Variants in TAF8 observed in about 807,000 individuals in gnomAD.
TAF8 encodes transcription initiation factor TFIID subunit 8.
Under a neutral mutation model 36.5 loss-of-function variants are expected in TAF8, and 47 were observed. The observed-to-expected ratio is 1.29, with a 90% CI of 1.02 to 1.64. The LOEUF is 1.64. TAF8 is among the 40% of genes most tolerant of loss of function. TAF8 has a pLI of 0.00. For missense variants in TAF8, 420 were observed against 407.6 expected (o/e 1.03, Z -0.26); for synonymous variants, 175 against 159.5 (o/e 1.10, Z -0.73).
At chr6:42,069,001 A>T (rs1225373430) in intron 7 of TAF8, among the ~76,000 whole-genome samples, 2 of 152,104 alleles carry the variant, frequency 1.3e-5, no homozygotes, top group Non-Finnish European at 2.9e-5. Context: ...GAAGGGAACA[A>T]GGCATGGACA....
At chr6:42,051,938 C>G (rs561941819) in intron 2 of TAF8, among the ~76,000 whole-genome samples, 1 of 152,194 alleles carries the variant, frequency 6.6e-6, no homozygotes, top group Non-Finnish European at 1.5e-5. Context: ...TGCACTCCAG[C>G]CTGTGAGGCT....
intron 7 of TAF8, among the ~76,000 whole-genome samples, chr6:42,072,919 T>G (rs1765630181): frequency 6.6e-6 from 1 of 152,016 alleles, no homozygotes; most frequent in East Asian, 1.9e-4. Flanking sequence ...GAGGCGGGGT[T>G]TCACCGTGTT....
intron 8 of TAF8, 31 bp downstream of exon 8, chr6:42,077,270 T>C: frequency 6.2e-7 from 1 of 1,602,914 alleles, no homozygotes; most frequent in South Asian, 1.1e-5. Flanking sequence ...CAGAGAGCCT[T>C]CACTGTCCCA....
downstream of TAF8, among the ~76,000 whole-genome samples, chr6:42,084,352 A>G (rs1765995605): frequency 6.6e-6 from 1 of 152,192 alleles, no homozygotes; most frequent in African/African-American, 2.4e-5. Flanking sequence ...TAAGCACTTC[A>G]CATAAATTAA....
At chr6:42,067,502 A>C (rs1263916025) in intron 6 of TAF8, among the ~76,000 whole-genome samples, 2 of 152,238 alleles carry the variant, frequency 1.3e-5, no homozygotes, top group African/African-American at 4.8e-5. Context: ...GGCATGAGCC[A>C]CCACACCCAG....
Position 42,066,392 on chromosome 6 carries a change from T to TA in TAF8, c.571dup (p.Thr191AsnfsTer17), listed in dbSNP as rs777746264. The TA allele has an allele frequency of 2.5e-6, 4 of 1,614,220 alleles. No homozygotes were observed. The highest frequency in any genetic ancestry group is 3.4e-6 in the Non-Finnish European group (4 of 1,180,038). Reference sequence around the variant, plus strand: ...AGAGGCGCGATGTGGAGCGGGCACTTACCCGTTTCATGGCCAAGACAGGCG... The same window carrying TA: ...AGAGGCGCGATGTGGAGCGGGCACTTAACCCGTTTCATGGCCAAGACAGGCG... On this transcript the variant is annotated frameshift_variant, in exon 6 of 9. Transcript: ENST00000372977. LOFTEE classifies it high-confidence loss of function.
Position 42,078,428 on chromosome 6 carries a change from A to G in TAF8, c.*883A>G. ...TGTGGCACCACTTTCTCATCCCAGA[A>G]CTTCATTCTTATTTCTCTCCTCATC... On this transcript the variant is annotated 3_prime_UTR_variant, in exon 9 of 9. Coordinates refer to ENST00000372977, the MANE Select transcript of TAF8 (RefSeq NM_138572.3). 1 of 985,362 alleles carries G rather than the reference A, an allele frequency of 1.0e-6. No individual in the cohort carries two copies. Among genetic ancestry groups the G allele is most frequent in the Non-Finnish European group, 1.2e-6 (1 of 829,930 alleles). The allele number at this position is 985,362 out of a possible 1,614,324, so 61.0% of individuals were successfully genotyped here.
downstream of TAF8, chr6:42,086,729 T>C (rs1766035112): frequency 6.4e-7 from 1 of 1,551,208 alleles, no homozygotes; most frequent in African/African-American, 1.4e-5. Context: ...GCCAGATACA[T>C]TCTAGAGAAT....
chr6:42,064,284 G>A (rs1363664221), intron 5 of TAF8, among the ~76,000 whole-genome samples: 4 of 151,844 alleles, frequency 2.6e-5, no homozygotes, highest in African/African-American at 4.8e-5. Flanking sequence ...ACAGAGTCTC[G>A]CTCAGTCCCC....
chr6:42,079,078 T>C lies in TAF8; in HGVS notation c.*1533T>C. On this transcript the variant is annotated 3_prime_UTR_variant, in exon 9 of 9. Coordinates refer to ENST00000372977, the MANE Select transcript of TAF8 (RefSeq NM_138572.3). ...CGGAGGTTGCAGTGAGCCGAGATCG[T>C]GCCACTGCACTCCAGCCTGGGTGAC... is the stretch of plus-strand genomic sequence containing the variant. 1 of 806,064 alleles carries C rather than the reference T, an allele frequency of 1.2e-6. No individual in the cohort carries two copies. Among genetic ancestry groups the C allele is most frequent in the Non-Finnish European group, 1.5e-6 (1 of 666,440 alleles). The allele number at this position is 806,064 out of a possible 1,614,324, so 49.9% of individuals were successfully genotyped here.
chr6:42,084,821 G>C (rs905115638), downstream of TAF8, among the ~76,000 whole-genome samples: 3 of 152,216 alleles, frequency 2.0e-5, no homozygotes, highest in African/African-American at 7.2e-5. Context: ...CAGAGACTTA[G>C]AGGCTAAGTA....
downstream of TAF8, among the ~76,000 whole-genome samples, chr6:42,083,792 C>T (rs2127468483): frequency 6.6e-6 from 1 of 152,068 alleles, no homozygotes; most frequent in East Asian, 1.9e-4. Context: ...TGGACTTTTA[C>T]CAAGACAAGC....
rs970841122 is a variant in TAF8 at position 42,052,784 on chromosome 6, C to G, written c.202+1271C>G. 2.0e-5 allele frequency among the ~76,000 whole-genome samples: 3 copies of G among 152,112 alleles called. No homozygotes were observed. The South Asian group carries it at 6.2e-4, about 31-fold the overall frequency. On this transcript the variant is annotated intron_variant, in intron 2 of 8. Coordinates refer to ENST00000372977, the MANE Select transcript of TAF8 (RefSeq NM_138572.3). The stretch of plus-strand genomic sequence containing the variant: ...TACGGTGTTTCTTAGGGATCAACAA[C>G]TATGAAAGGAAGTAGGAGAAAGGTT...
intron 5 of TAF8, among the ~76,000 whole-genome samples, chr6:42,059,399 A>T (rs80084995): frequency 2.6e-5 from 4 of 151,910 alleles, no homozygotes; most frequent in Non-Finnish European, 5.9e-5. Context: ...AAAAAAAAAA[A>T]AGAAATCATA....
intron 7 of TAF8, among the ~76,000 whole-genome samples, chr6:42,076,206 CA>C (rs758863664): frequency 6.4e-4 from 89 of 138,578 alleles, no homozygotes; most frequent in East Asian, 1.2e-3. Context: ...GACTCCATCT[CA>C]AAAAAAAAAA....
chr6:42,072,868 G>A (rs9381130), intron 7 of TAF8, among the ~76,000 whole-genome samples: 13,574 of 151,792 alleles, frequency 0.089, 754 homozygotes, highest in East Asian at 0.19. Flanking sequence ...GACTACAGGC[G>A]CCCGCCACCA....
intron 5 of TAF8, among the ~76,000 whole-genome samples, chr6:42,062,923 A>G (rs1319090718): frequency 6.6e-6 from 1 of 152,116 alleles, no homozygotes; most frequent in Non-Finnish European, 1.5e-5. Flanking sequence ...CCAAGTTCAC[A>G]TGGCATTCTC....
At chr6:42,071,295 T>C (rs776720996) in intron 7 of TAF8, 1 of 229,422 alleles carries the variant, frequency 4.4e-6, no homozygotes, top group Non-Finnish European at 8.7e-6. Context: ...CTGAAGGTCT[T>C]ATTTGCCTGG....
downstream of TAF8, among the ~76,000 whole-genome samples, chr6:42,084,610 ATG>A (rs1370935113): frequency 8.0e-6 from 1 of 125,780 alleles, no homozygotes; most frequent in Non-Finnish European, 1.9e-5. Context: ...TTACAGGCAC[ATG>A]CCACCGCACC....
Sources: gnomAD v4.1 joint callset for allele counts (sites outside exome capture counted in the v4.1 genomes callset) on GRCh38, gnomAD v4.1.1 for gene constraint, MANE v1.5 for transcripts, NCBI Gene and HGNC (gene_info 2026-07-23, HGNC 2026-07-21) for gene names.